Variants in CDH18 observed in about 807,000 individuals in gnomAD.
CDH18 encodes the protein cadherin-18.
In CDH18, 31 loss-of-function variants were observed where a neutral mutation model predicts 67.9. The ratio of observed to expected loss-of-function variants is 0.46; its 90% CI spans 0.34 to 0.62. The LOEUF (loss-of-function observed/expected upper bound fraction) is 0.62, where lower values mean the gene tolerates loss of function less well. CDH18 is among the 20% of genes least tolerant of loss of function. CDH18 has a pLI of 0.01. For missense variants in CDH18, 890 were observed against 975.5 expected (o/e 0.91, Z 1.17); for synonymous variants, 362 against 347.2 (o/e 1.04, Z -0.48).
intron 5 of CDH18, among the ~76,000 whole-genome samples, chr5:19,622,526 C>T (rs1039061528): frequency 6.6e-5 from 10 of 152,280 alleles, no homozygotes; most frequent in Admixed American, 1.3e-4. Context: ...TTTGTGCTGG[C>T]CTGTGACTGC....
At chr5:19,595,884 C>A (rs1034712975) in intron 6 of CDH18, among the ~76,000 whole-genome samples, 5 of 152,320 alleles carry the variant, frequency 3.3e-5, no homozygotes, top group Admixed American at 2.6e-4. Flanking sequence ...ACCAACATAT[C>A]TTTTCCTGTG....
At chr5:20,014,140 A>G (rs972117377) in intron 2 of CDH18, among the ~76,000 whole-genome samples, 11 of 152,152 alleles carry the variant, frequency 7.2e-5, no homozygotes, top group African/African-American at 2.7e-4. Context: ...TTCAAATTCA[A>G]TGACTTTAGT....
chr5:20,040,780 C>A (rs1315729967), intron 2 of CDH18, among the ~76,000 whole-genome samples: 1 of 152,102 alleles, frequency 6.6e-6, no homozygotes, highest in Non-Finnish European at 1.5e-5. Context: ...GTTCAAACAA[C>A]TGCTATTCTG....
At chr5:19,848,958 CAT>C (rs528140001) in intron 2 of CDH18, among the ~76,000 whole-genome samples, 3 of 150,112 alleles carry the variant, frequency 2.0e-5, no homozygotes, top group Non-Finnish European at 3.0e-5. Context: ...CACACACACA[CAT>C]ATATATGTAT....
chr5:20,211,951 G>A (rs1382242711), intron 2 of CDH18, among the ~76,000 whole-genome samples: 1 of 152,142 alleles, frequency 6.6e-6, no homozygotes, highest in South Asian at 2.1e-4. Flanking sequence ...GACAAAAGTA[G>A]GCTTCAGAAG....
chr5:20,148,931 G>A (rs1383114935), intron 2 of CDH18, among the ~76,000 whole-genome samples: 2 of 151,928 alleles, frequency 1.3e-5, no homozygotes, highest in African/African-American at 2.4e-5. Flanking sequence ...GGGGACATAA[G>A]ACTTTCACTC....
At chr5:20,160,403 G>T (rs1244242125) in intron 2 of CDH18, among the ~76,000 whole-genome samples, 1 of 152,192 alleles carries the variant, frequency 6.6e-6, no homozygotes, top group Non-Finnish European at 1.5e-5. Flanking sequence ...CAGACAGATG[G>T]TGAAGTTCAT....
At chr5:20,315,356 C>T (rs1050097203) in intron 1 of CDH18, among the ~76,000 whole-genome samples, 1 of 152,016 alleles carries the variant, frequency 6.6e-6, no homozygotes, top group Non-Finnish European at 1.5e-5. Flanking sequence ...TCTGATCCAG[C>T]CTTGTTCTAC....
chr5:19,858,468 T>G (rs1046445898), intron 2 of CDH18, among the ~76,000 whole-genome samples: 5 of 152,182 alleles, frequency 3.3e-5, no homozygotes, highest in African/African-American at 1.2e-4. Flanking sequence ...AGTTGTGGCT[T>G]GATAGCGCCA....
chr5:20,056,473 CTTTTGT>C (rs1741962518), intron 2 of CDH18, among the ~76,000 whole-genome samples: 2 of 13,562 alleles, frequency 1.5e-4, no homozygotes, highest in African/African-American at 5.6e-4. Context: ...TATTTTCTTT[CTTTTGT>C]TTTTTTTTTT....
intron 9 of CDH18, among the ~76,000 whole-genome samples, chr5:19,524,180 T>C (rs1489513813): frequency 1.3e-5 from 2 of 151,676 alleles, no homozygotes; most frequent in East Asian, 3.9e-4. Context: ...ACATTATATA[T>C]ATGTTAAAAA....
chr5:19,773,444 G>A (rs192528588), intron 3 of CDH18, among the ~76,000 whole-genome samples: 1 of 152,138 alleles, frequency 6.6e-6, no homozygotes, highest in African/African-American at 2.4e-5. Context: ...CTTACAAGGG[G>A]CAAGCATGGA....
At chr5:19,528,125 C>G (rs1392158092) in intron 9 of CDH18, among the ~76,000 whole-genome samples, 1 of 151,728 alleles carries the variant, frequency 6.6e-6, no homozygotes, top group Non-Finnish European at 1.5e-5. Flanking sequence ...TTGGCCCACT[C>G]AATTATATAA....
chr5:19,580,831 T>C lies in CDH18; in HGVS notation c.1000-8999A>G, dbSNP rs114640356. ...AAGCACTATGTTATCCTGGTGGAAATCTAAATAGCAAATAAGTAGTGTAAT... is the reference window on the plus strand; with the variant it reads ...AAGCACTATGTTATCCTGGTGGAAACCTAAATAGCAAATAAGTAGTGTAAT... On this transcript the variant is annotated intron_variant, in intron 7 of 12. Transcript: ENST00000382275. Among the ~76,000 whole-genome samples, 642 of 152,062 alleles carry C rather than the reference T, an allele frequency of 4.2e-3. 3 individuals are homozygous for C. Among genetic ancestry groups the C allele is most frequent in the African/African-American group, 0.015 (608 of 41,552 alleles).
intron 1 of CDH18, among the ~76,000 whole-genome samples, chr5:20,541,799 C>T (rs10068661): frequency 6.6e-6 from 1 of 152,230 alleles, no homozygotes; most frequent in Admixed American, 6.5e-5. Flanking sequence ...CTATACTTCA[C>T]CATATAGAAG....
intron 4 of CDH18, among the ~76,000 whole-genome samples, chr5:19,726,096 C>T (rs1336071405): frequency 1.3e-5 from 2 of 152,098 alleles, no homozygotes; most frequent in South Asian, 4.1e-4. Context: ...AGGAGAGTTG[C>T]TCTGTTTAGC....
chr5:20,238,825 A>G (rs1742667939), intron 2 of CDH18, among the ~76,000 whole-genome samples: 1 of 152,174 alleles, frequency 6.6e-6, no homozygotes. Flanking sequence ...ACAAAAAACT[A>G]TGCTGTGATT....
intron 2 of CDH18, among the ~76,000 whole-genome samples, chr5:19,961,264 G>C (rs2388043): frequency 0.56 from 85,317 of 151,196 alleles, 24,258 homozygotes; most frequent in Middle Eastern, 0.7. Context: ...CACAACACCA[G>C]CACGCTAATT....
At chr5:19,535,716 T>C (rs563154897) in intron 9 of CDH18, among the ~76,000 whole-genome samples, 1 of 152,302 alleles carries the variant, frequency 6.6e-6, no homozygotes, top group East Asian at 1.9e-4. Flanking sequence ...TGGACTCTTA[T>C]GTCCACAAGT....
Sources: allele counts gnomAD v4.1 joint callset (sites outside exome capture counted in the v4.1 genomes callset), GRCh38; gene constraint gnomAD v4.1.1; transcripts MANE v1.5; gene names NCBI Gene and HGNC (gene_info 2026-07-23, HGNC 2026-07-21).